Variants in DDX60 observed in about 807,000 individuals in gnomAD.
DDX60 encodes DExD/H-box helicase 60, also known as probable ATP-dependent RNA helicase DDX60.
In DDX60, 165 loss-of-function variants were observed where a neutral mutation model predicts 212.8. The observed-to-expected ratio is 0.78, with a 90% CI of 0.68 to 0.88. The LOEUF (loss-of-function observed/expected upper bound fraction) is 0.88. Ranked by LOEUF, DDX60 falls within the 40% of genes least tolerant of loss-of-function variation. DDX60 has a pLI of 0.00. For synonymous variants in DDX60, 703 were observed against 685.3 expected (o/e 1.03, Z -0.40); for missense variants, 1,905 against 2,003.9 (o/e 0.95, Z 0.94).
Position 168,225,524 on chromosome 4 carries a change from C to A in DDX60, c.4681+5G>T, listed in dbSNP as rs778721838. 6.2e-7 allele frequency: 1 copy of A among 1,601,244 alleles called. No individual in the cohort carries two copies. The highest frequency in any genetic ancestry group is 1.1e-5 in the South Asian group (1 of 88,778). On this transcript the variant is annotated splice_donor_5th_base_variant and intron_variant, in intron 34 of 37. Transcript: ENST00000393743. ...TGTTCCACAATGGAGGTAAAATATA[C>A]TTACTGATTTTTGACAATGGGAGTT... is the stretch of plus-strand genomic sequence containing the variant.
At chr4:168,269,948 T>C (rs1005012986) in intron 19 of DDX60, among the ~76,000 whole-genome samples, 3 of 152,224 alleles carry the variant, frequency 2.0e-5, no homozygotes, top group African/African-American at 7.2e-5. Flanking sequence ...TCTGACCACC[T>C]ATTCCAGAGT....
At chr4:168,290,328 CTTTTTTTT>C (rs547452038) in intron 8 of DDX60, among the ~76,000 whole-genome samples, 2 of 124,260 alleles carry the variant, frequency 1.6e-5, no homozygotes, top group African/African-American at 6.4e-5. Flanking sequence ...CTTTTCTTTT[CTTTTTTTT>C]TTTTTTTTTT....
At chr4:168,322,296 C>A (rs1419885882), upstream of DDX60, among the ~76,000 whole-genome samples, 2 of 152,216 alleles carry the variant, frequency 1.3e-5, no homozygotes, top group Admixed American at 1.3e-4. Flanking sequence ...AGAATCATCA[C>A]ATAACTACTG....
At chr4:168,307,467 T>C (rs994703422) in intron 4 of DDX60, among the ~76,000 whole-genome samples, 2 of 152,152 alleles carry the variant, frequency 1.3e-5, no homozygotes, top group Non-Finnish European at 2.9e-5. Context: ...TGTTAGAGAC[T>C]GGGTCTCACT....
chr4:168,291,757 T>G lies in DDX60; in HGVS notation c.1032A>C (p.Leu344Phe). The change falls in exon 8 of 38, where the codon TTA becomes TTC. Residue 344 changes from leucine to phenylalanine, a missense_variant. By Grantham distance (22) the Leu-to-Phe change is conservative. Coordinates refer to ENST00000393743, the MANE Select transcript of DDX60 (RefSeq NM_017631.6). ...TSHWAEDMKP[L>F]LQMKKWCEYF... ...TAAAGAGTACATTTACCATTTGTAA[T>G]AAAGGCTTCATGTCCTCAGCCCAAT... The G allele has an allele frequency of 6.3e-7, 1 of 1,585,564 alleles. No individual in the cohort carries two copies. Among genetic ancestry groups the G allele is most frequent in the Non-Finnish European group, 8.5e-7 (1 of 1,171,258 alleles).
At chr4:168,220,446 A>C in intron 37 of DDX60, 1 of 403,916 alleles carries the variant, frequency 2.5e-6, no homozygotes, top group Non-Finnish European at 4.5e-6. Context: ...CTTCATCTCA[A>C]CTAGACATTG....
intron 3 of DDX60, among the ~76,000 whole-genome samples, chr4:168,308,861 T>C (rs1023030040): frequency 4.0e-5 from 6 of 151,808 alleles, no homozygotes; most frequent in African/African-American, 1.5e-4. Flanking sequence ...AGCCTACAAA[T>C]ATGAAAAAAA....
chr4:168,218,080 C>A (rs1732914877), intron 37 of DDX60, among the ~76,000 whole-genome samples: 1 of 152,192 alleles, frequency 6.6e-6, no homozygotes, highest in Admixed American at 6.5e-5. Context: ...CATGATCTGA[C>A]ATCTTATCAG....
rs766869098 is a variant in DDX60, at chr4:168,302,401, T to C, written c.622A>G (p.Lys208Glu). ...TTAAGCAGGGTTGTATAAGCATCTT[T>C]AATGTTCTGCTTATTCTGTAAAATA... ...IFSWKNKQNI[K>E]DAYTTLLNQL... The change falls in exon 6 of 38, where the codon AAA (lysine) becomes GAA (glutamate). Residue 208 changes from lysine (K) to glutamate (E), a missense_variant. Coordinates refer to ENST00000393743, the MANE Select transcript of DDX60 (RefSeq NM_017631.6). 5.9e-6 allele frequency: 9 copies of C among 1,529,384 alleles called. No homozygotes were observed. In the Middle Eastern group the frequency reaches 7.1e-4, roughly 121 times the overall value. 94.7% of individuals were successfully genotyped at this position (1,529,384 alleles called of 1,614,324 possible). A position where few individuals can be genotyped will look rare whatever the true frequency, so the allele number is the denominator to read the frequency against.
chr4:168,258,040 TC>T (rs1734484210), intron 25 of DDX60, among the ~76,000 whole-genome samples: 1 of 152,216 alleles, frequency 6.6e-6, no homozygotes, highest in African/African-American at 2.4e-5. Flanking sequence ...TTTTAGAAAG[TC>T]CTTGAGACAG....
chr4:168,274,629 G>C (rs951415529), intron 16 of DDX60, among the ~76,000 whole-genome samples: 25 of 152,098 alleles, frequency 1.6e-4, no homozygotes, highest in Non-Finnish European at 2.9e-5. Context: ...AGCGTGAATT[G>C]GGCATCAGAA....
chr4:168,308,740 T>C (rs1256808109), intron 3 of DDX60, among the ~76,000 whole-genome samples: 1 of 148,664 alleles, frequency 6.7e-6, no homozygotes, highest in African/African-American at 2.4e-5. Flanking sequence ...CACACCAATA[T>C]AAATACTGAT....
At chr4:168,300,668 AC>A (rs1736611344) in intron 6 of DDX60, among the ~76,000 whole-genome samples, 1 of 152,068 alleles carries the variant, frequency 6.6e-6, no homozygotes, top group South Asian at 2.1e-4. Flanking sequence ...ATTAAAAACA[AC>A]CAGGAAATAG....
chr4:168,292,516 C>T (rs1736155332), intron 7 of DDX60, among the ~76,000 whole-genome samples: 1 of 152,180 alleles, frequency 6.6e-6, no homozygotes, highest in Non-Finnish European at 1.5e-5. Context: ...TCTACATGAG[C>T]TGATCGAGCA....
chr4:168,249,630 A>T (rs1038153993), intron 28 of DDX60, among the ~76,000 whole-genome samples: 2 of 152,228 alleles, frequency 1.3e-5, no homozygotes, highest in Non-Finnish European at 2.9e-5. Context: ...GTAATTGAGC[A>T]ACTACTATTT....
intron 1 of DDX60, among the ~76,000 whole-genome samples, 154 bp downstream of exon 1, chr4:168,318,468 C>G (rs367746168): frequency 6.6e-6 from 1 of 152,364 alleles, no homozygotes; most frequent in South Asian, 2.1e-4. Flanking sequence ...CCGTGCGCCA[C>G]GGCCTTGCGA....
At chr4:168,280,708 T>A (rs945024968) in intron 13 of DDX60, 118 bp from the exon 14 acceptor site, 29 of 1,162,660 alleles carry the variant, frequency 2.5e-5, no homozygotes, top group Admixed American at 2.9e-5. Context: ...CCATTTTGAG[T>A]AGATGTGAAA....
rs534393527 is a variant in DDX60, at chr4:168,240,390, T to C, written c.4165-2595A>G. Among the ~76,000 whole-genome samples the C allele has an allele frequency of 5.3e-5, 8 of 152,302 alleles. No homozygotes were observed. In the South Asian group the frequency reaches 1.7e-3, roughly 32 times the overall value. On this transcript the variant is annotated intron_variant, in intron 30 of 37. Coordinates refer to ENST00000393743, the MANE Select transcript of DDX60 (RefSeq NM_017631.6). ...AGAATCAATATTGTGAAAATGGCCATACTGCCCAGAGTAATTTATAGATTC... is the reference window on the plus strand; with the variant it reads ...AGAATCAATATTGTGAAAATGGCCACACTGCCCAGAGTAATTTATAGATTC...
intron 33 of DDX60, among the ~76,000 whole-genome samples, chr4:168,232,824 C>G (rs1733502400): frequency 6.6e-6 from 1 of 151,982 alleles, no homozygotes; most frequent in Admixed American, 6.6e-5. Flanking sequence ...ACCAAGAACC[C>G]AAAAGCAAAT....
Sources: allele counts gnomAD v4.1 joint callset (sites outside exome capture counted in the v4.1 genomes callset), GRCh38; gene constraint gnomAD v4.1.1; transcripts MANE v1.5; gene names NCBI Gene and HGNC (gene_info 2026-07-23, HGNC 2026-07-21).